ADNP2: variants seen among roughly 807,000 people sequenced by gnomAD.
The protein encoded by ADNP2 is activity-dependent neuroprotector homeobox protein 2.
A neutral mutation model predicts 16.4 loss-of-function variants in ADNP2; 8 were observed. That is an observed-to-expected ratio of 0.49 (90% CI 0.29 to 0.88). The LOEUF (loss-of-function observed/expected upper bound fraction) is 0.88, where lower values mean the gene tolerates loss of function less well. Among genes scored for constraint, ADNP2 ranks in the 40% least tolerant of loss-of-function variants. The pLI, the probability that ADNP2 is intolerant of heterozygous loss-of-function variation, is 0.09. For missense variants in ADNP2, 1,397 were observed against 1,395.1 expected, an observed-to-expected ratio of 1.00 and a Z score of -0.02; for synonymous variants, 637 against 545.8, an observed-to-expected ratio of 1.17 and a Z score of -2.33.
intron 2 of ADNP2, among the ~76,000 whole-genome samples, chr18:80,123,049 C>T (rs528229381): frequency 6.6e-6 from 1 of 151,928 alleles, no homozygotes; most frequent in Non-Finnish European, 1.5e-5. Flanking sequence ...CAGATCCCTT[C>T]TTTGTGCCAA....
At chr18:80,128,641 C>T (rs1384981461) in intron 2 of ADNP2, among the ~76,000 whole-genome samples, 1 of 152,054 alleles carries the variant, frequency 6.6e-6, no homozygotes, top group African/African-American at 2.4e-5. Flanking sequence ...CAGAGCAAGA[C>T]CCCGTCTCAA....
intron 2 of ADNP2, among the ~76,000 whole-genome samples, chr18:80,129,485 C>T (rs1276262339): frequency 6.6e-6 from 1 of 152,114 alleles, no homozygotes; most frequent in Non-Finnish European, 1.5e-5. Context: ...GTTTGCAGTG[C>T]TTTCCCTGAC....
At chr18:80,116,545 CT>C (rs142096214) in intron 1 of ADNP2, among the ~76,000 whole-genome samples, 5 of 149,810 alleles carry the variant, frequency 3.3e-5, no homozygotes, top group Admixed American at 6.6e-5. Context: ...AACACGTTTC[CT>C]TTTTTTTTTC....
intron 2 of ADNP2, among the ~76,000 whole-genome samples, 190 bp downstream of exon 2, chr18:80,117,840 T>C (rs1020953292): frequency 1.3e-5 from 2 of 152,226 alleles, no homozygotes; most frequent in Non-Finnish European, 2.9e-5. Flanking sequence ...GTTTTTAAGC[T>C]ACTTTAAGGA....
intron 2 of ADNP2, among the ~76,000 whole-genome samples, chr18:80,128,001 A>G (rs1390197440): frequency 2.0e-5 from 3 of 152,270 alleles, no homozygotes; most frequent in South Asian, 2.1e-4. Flanking sequence ...CAAGGTCAAT[A>G]TGGCAGGATG....
chr18:80,119,373 C>G (rs2052409632), intron 2 of ADNP2, among the ~76,000 whole-genome samples: 1 of 146,716 alleles, frequency 6.8e-6, no homozygotes, highest in Admixed American at 7.0e-5. Context: ...GATGGCGCCA[C>G]TGCATTCCAG....
chr18:80,138,732 CCTT>C lies in ADNP2; in HGVS notation c.3322_3324del (p.Ser1108del). On this transcript the variant is annotated inframe_deletion, in exon 4 of 4. Transcript: ENST00000262198. ...CATGAAAGCAATAAAAAATCACAAG[CCTT>C]CTGTACTTTTAGGCTTTGATATGTC... is the stretch of plus-strand genomic sequence containing the variant. 1 of 1,605,898 alleles carries C rather than the reference CCTT, an allele frequency of 6.2e-7. No homozygotes were observed. The highest frequency in any genetic ancestry group is 2.2e-5 in the East Asian group (1 of 44,814).
chr18:80,133,331 T>G (rs2052510665), intron 3 of ADNP2, 139 bp downstream of exon 3: 1 of 717,746 alleles, frequency 1.4e-6, no homozygotes, highest in East Asian at 2.6e-5. Flanking sequence ...TTCAGAGAAG[T>G]AGCAAGAAAC....
intron 2 of ADNP2, among the ~76,000 whole-genome samples, chr18:80,130,157 C>G (rs1311959270): frequency 1.3e-5 from 2 of 152,196 alleles, no homozygotes; most frequent in African/African-American, 4.8e-5. Context: ...TCAAATGTTA[C>G]AACATCCAGG....
rs1599824706 is a variant in ADNP2 at position 80,137,253 on chromosome 18, A to G, written c.1840A>G (p.Thr614Ala). ...AGGGAAACAAGTGAATGGGATTCCA[A>G]CCTACACGCTGGCCCCCGTGTCTGT... is the stretch of plus-strand genomic sequence containing the variant. ...PTGKQVNGIP[T>A]YTLAPVSVTL... The change falls in exon 4 of 4, where the codon ACC (threonine) becomes GCC (alanine). Residue 614 changes from threonine to alanine, a missense_variant. Physicochemically the swap from Thr to Ala is moderately conservative, Grantham distance 58 (BLOSUM62 0). This residue lies in a region of ADNP2 where 611 missense variants were observed against 648.7 expected (regional missense o/e 0.94). Coordinates refer to ENST00000262198, the MANE Select transcript of ADNP2 (RefSeq NM_014913.4). The surrounding 1 kb of genome is among the most constrained non-coding windows in gnomAD (Gnocchi z 4.2). 4.3e-6 allele frequency: 7 copies of G among 1,614,056 alleles called. No homozygotes were observed. Among genetic ancestry groups the G allele is most frequent in the East Asian group, 2.2e-5 (1 of 44,880 alleles).
rs1599822534 is a variant in ADNP2, at chr18:80,136,255, G to A, written c.842G>A (p.Ser281Asn). Residue 281 changes from serine (S) to asparagine (N), a missense_variant, in exon 4 of 4, where the codon AGT becomes AAT. This residue lies in a region of ADNP2 where 777 missense variants were observed against 719.4 expected (regional missense o/e 1.08). Coordinates refer to ENST00000262198, the MANE Select transcript of ADNP2 (RefSeq NM_014913.4). ...CATTTGGCTGCACCAGCAAATGGCA[G>A]TGCTCCAAGCGCTCCAGCGCAGCCT... ...AAHLAAPANGSAPSAPAQPPC... is the reference protein window; with the variant it reads ...AAHLAAPANGNAPSAPAQPPC... 2 of 1,614,216 alleles carry A rather than the reference G, an allele frequency of 1.2e-6. No individual in the cohort carries two copies. Among genetic ancestry groups the A allele is most frequent in the Non-Finnish European group, 1.7e-6 (2 of 1,180,012 alleles).
chr18:80,116,836 A>C (rs574777644), intron 1 of ADNP2, among the ~76,000 whole-genome samples: 1 of 152,220 alleles, frequency 6.6e-6, no homozygotes, highest in African/African-American at 2.4e-5. Flanking sequence ...GGGTTTCACC[A>C]TGTTGCCCTG....
chr18:80,127,837 C>T (rs1404074016), intron 2 of ADNP2, among the ~76,000 whole-genome samples: 1 of 152,190 alleles, frequency 6.6e-6, no homozygotes, highest in Non-Finnish European at 1.5e-5. Context: ...TCATTCCCCT[C>T]TCCCGGTGGA....
Position 80,137,277 on chromosome 18 carries a change from G to A in ADNP2, c.1864G>A (p.Val622Ile). 2 of 1,614,162 alleles carry A rather than the reference G, an allele frequency of 1.2e-6. No homozygotes were observed. Among genetic ancestry groups the A allele is most frequent in the Non-Finnish European group, 1.7e-6 (2 of 1,180,046 alleles). The change falls in exon 4 of 4, where the codon GTC (valine) becomes ATC (isoleucine). Residue 622 changes from valine (V) to isoleucine (I), a missense_variant. Val to Ile is a conservative substitution (Grantham distance 29). Around this residue, in one of 3 missense-constraint regions of ADNP2, gnomAD observed 611 missense variants for 648.7 expected, o/e 0.94. Coordinates refer to ENST00000262198, the MANE Select transcript of ADNP2 (RefSeq NM_014913.4). The surrounding 1 kb of genome is among the most constrained non-coding windows in gnomAD (Gnocchi z 4.2). ...IPTYTLAPVS[V>I]TLPVPPGGLA... ...AACCTACACGCTGGCCCCCGTGTCT[G>A]TCACTCTGCCGGTTCCCCCTGGAGG...
chr18:80,125,663 T>A (rs1021642988), intron 2 of ADNP2, among the ~76,000 whole-genome samples: 10 of 150,112 alleles, frequency 6.7e-5, no homozygotes, highest in African/African-American at 2.2e-4. Context: ...TAAAAAAAAA[T>A]AGCCAGGTGT....
At chr18:80,121,004 T>C (rs1219514633) in intron 2 of ADNP2, among the ~76,000 whole-genome samples, 1 of 152,156 alleles carries the variant, frequency 6.6e-6, no homozygotes, top group African/African-American at 2.4e-5. Flanking sequence ...TACCTAGGAG[T>C]GGAATTTTTG....
intron 1 of ADNP2, 108 bp from the exon 2 acceptor site, chr18:80,117,422 G>A: frequency 1.7e-6 from 1 of 598,214 alleles, no homozygotes; most frequent in Non-Finnish European, 2.7e-6. Flanking sequence ...ACAACAATTT[G>A]TTGAAAATTA....
chr18:80,112,532 C>T (rs990302767), intron 1 of ADNP2, among the ~76,000 whole-genome samples: 3 of 151,582 alleles, frequency 2.0e-5, no homozygotes, highest in African/African-American at 7.3e-5. Context: ...GCCACAATAA[C>T]GATGAAGGAA....
intron 2 of ADNP2, among the ~76,000 whole-genome samples, chr18:80,129,106 T>G (rs1247414048): frequency 1.7e-4 from 5 of 29,004 alleles, no homozygotes; most frequent in Admixed American, 5.1e-4. Flanking sequence ...TTTTTTTTTG[T>G]TTTTTTTTTT....
Sources: allele counts gnomAD v4.1 joint callset (sites outside exome capture counted in the v4.1 genomes callset), GRCh38; gene constraint gnomAD v4.1.1; regional missense constraint gnomAD v4.1.1; non-coding constraint Gnocchi (gnomAD v3.1); transcripts MANE v1.5; gene names NCBI Gene and HGNC (gene_info 2026-07-23, HGNC 2026-07-21).